The following ADRA1A variants were observed in gnomAD, a reference collection of about 807,000 sequenced individuals.
ADRA1A encodes the protein alpha-1A adrenergic receptor.
A neutral mutation model predicts 29.6 loss-of-function variants in ADRA1A; 31 were observed. The ratio of observed to expected loss-of-function variants is 1.05; its 90% CI spans 0.79 to 1.41. The LOEUF is 1.41. Among genes scored for constraint, ADRA1A ranks in the 40% most tolerant of loss-of-function variants. The pLI, the probability that ADRA1A is intolerant of heterozygous loss-of-function variation, is 0.00. For synonymous variants in ADRA1A, 311 were observed against 254.3 expected, an observed-to-expected ratio of 1.22 and a Z score of -2.12; for missense variants, 619 against 601.1, an observed-to-expected ratio of 1.03 and a Z score of -0.31.
At chr8:26,795,284 G>GT (rs61004791) in intron 2 of ADRA1A, among the ~76,000 whole-genome samples, 25,757 of 152,032 alleles carry the variant, frequency 0.17, 2,557 homozygotes, top group East Asian at 0.47. Context: ...ATGAGACAAT[G>GT]TGAGACTCGA....
At position 26,770,190 on chromosome 8, in the gene ADRA1A, C is replaced by T. The variant is rs373717543; in HGVS notation, c.1360G>A (p.Val454Ile). 1 of 1,589,074 alleles carries T rather than the reference C, an allele frequency of 6.3e-7. No homozygotes were observed. Among genetic ancestry groups the T allele is most frequent in the Non-Finnish European group, 8.6e-7 (1 of 1,166,864 alleles). The change falls in exon 3 of 3, where the codon GTC becomes ATC. Residue 454 changes from valine (V) to isoleucine (I), a missense_variant. Physicochemically the swap from Val to Ile is conservative, Grantham distance 29. Coordinates refer to ENST00000380573, the MANE Select transcript of ADRA1A (RefSeq NM_000680.4). ...TTCTCACTGAGGGAGATGGTGTGGACCTTAATGGTTGGAACTTGATGGTTC... is the reference window on the plus strand; with the variant it reads ...TTCTCACTGAGGGAGATGGTGTGGATCTTAATGGTTGGAACTTGATGGTTC... ...DKNHQVPTIKVHTISLSENGE... is the reference protein window; with the variant it reads ...DKNHQVPTIKIHTISLSENGE...
At chr8:26,810,283 C>T (rs1463315695) in intron 2 of ADRA1A, among the ~76,000 whole-genome samples, 1 of 152,178 alleles carries the variant, frequency 6.6e-6, no homozygotes, top group Non-Finnish European at 1.5e-5. Context: ...TCTGAATTCC[C>T]AAAGCAGTTT....
At chr8:26,863,363 A>T (rs569684918) in intron 2 of ADRA1A, among the ~76,000 whole-genome samples, 49 of 152,232 alleles carry the variant, frequency 3.2e-4, no homozygotes, top group Admixed American at 5.9e-4. Flanking sequence ...TTATTTTCAA[A>T]CAGTGTTATC....
intron 2 of ADRA1A, among the ~76,000 whole-genome samples, chr8:26,834,722 A>G (rs1363564811): frequency 6.6e-6 from 1 of 152,206 alleles, no homozygotes; most frequent in Non-Finnish European, 1.5e-5. Flanking sequence ...TGCATCTCCA[A>G]GGGCAGAGTA....
At chr8:26,777,041 G>A (rs1008924886) in intron 2 of ADRA1A, among the ~76,000 whole-genome samples, 2 of 152,136 alleles carry the variant, frequency 1.3e-5, no homozygotes, top group Non-Finnish European at 2.9e-5. Flanking sequence ...GAAGAAAACT[G>A]CCCCATCAAA....
intron 2 of ADRA1A, among the ~76,000 whole-genome samples, chr8:26,826,919 C>T (rs1810613701): frequency 6.6e-6 from 1 of 152,214 alleles, no homozygotes; most frequent in Admixed American, 6.5e-5. Flanking sequence ...TAGCATTCTT[C>T]ATTTCACTAT....
At chr8:26,799,862 T>A (rs895511896) in intron 2 of ADRA1A, among the ~76,000 whole-genome samples, 1 of 152,200 alleles carries the variant, frequency 6.6e-6, no homozygotes, top group South Asian at 2.1e-4. Flanking sequence ...AACATTTGAA[T>A]AAATCAATTT....
chr8:26,819,355 A>T (rs1236922183), intron 2 of ADRA1A, among the ~76,000 whole-genome samples: 1 of 151,154 alleles, frequency 6.6e-6, no homozygotes, highest in Non-Finnish European at 1.5e-5. Flanking sequence ...TTAAAATCAT[A>T]TGAAAATATA....
At chr8:26,800,213 C>T (rs529558267) in intron 2 of ADRA1A, among the ~76,000 whole-genome samples, 69 of 151,898 alleles carry the variant, frequency 4.5e-4, no homozygotes, top group Non-Finnish European at 9.0e-4. Context: ...GAGCTGAGAT[C>T]GTGCCACTGC....
intron 2 of ADRA1A, among the ~76,000 whole-genome samples, chr8:26,799,465 A>C (rs1808416654): frequency 6.6e-6 from 1 of 152,186 alleles, no homozygotes; most frequent in Admixed American, 6.5e-5. Flanking sequence ...TCTCAGTTAA[A>C]CTACAGCCAA....
chr8:26,765,468 C>T (rs1403019189), downstream of ADRA1A, among the ~76,000 whole-genome samples: 1 of 152,248 alleles, frequency 6.6e-6, no homozygotes, highest in African/African-American at 2.4e-5. Context: ...GGCACCACAG[C>T]AGCCTGGCTC....
At chr8:26,793,092 C>T (rs1807949154) in intron 2 of ADRA1A, among the ~76,000 whole-genome samples, 1 of 151,754 alleles carries the variant, frequency 6.6e-6, no homozygotes, top group Admixed American at 6.6e-5. Context: ...GACTCCATGA[C>T]ATAAAGCATT....
intron 2 of ADRA1A, among the ~76,000 whole-genome samples, chr8:26,852,303 A>G (rs1315615339): frequency 1.3e-5 from 2 of 152,224 alleles, no homozygotes; most frequent in African/African-American, 4.8e-5. Context: ...AGAAAGAATT[A>G]AAATAGATGA....
At chr8:26,828,423 C>T (rs2130636358) in intron 2 of ADRA1A, among the ~76,000 whole-genome samples, 1 of 152,278 alleles carries the variant, frequency 6.6e-6, no homozygotes, top group East Asian at 1.9e-4. Context: ...TTCCCTTTTC[C>T]CTATCCCTGT....
downstream of ADRA1A, among the ~76,000 whole-genome samples, chr8:26,765,353 TGCTTTTGTCA>T (rs1805718245): frequency 6.6e-6 from 1 of 152,244 alleles, no homozygotes; most frequent in African/African-American, 2.4e-5. Context: ...AATTCTAACT[TGCTTTTGTCA>T]GCCTAGCCCC....
At chr8:26,753,093 C>T (rs1009380544), downstream of ADRA1A, among the ~76,000 whole-genome samples, 7 of 152,286 alleles carry the variant, frequency 4.6e-5, no homozygotes, top group Non-Finnish European at 1.0e-4. Flanking sequence ...AGGAGTCCCA[C>T]TGAGGGAGTG....
chr8:26,751,069 CAAAA>C (rs35234230), intron 2 of ADRA1A, among the ~76,000 whole-genome samples: 3 of 138,322 alleles, frequency 2.2e-5, no homozygotes. Flanking sequence ...AACTCTGTCT[CAAAA>C]AAAAAAAAAA....
downstream of ADRA1A, among the ~76,000 whole-genome samples, chr8:26,763,465 G>A (rs1481359403): frequency 2.0e-5 from 3 of 152,194 alleles, no homozygotes; most frequent in African/African-American, 7.2e-5. The surrounding 1 kb of genome is among the most constrained non-coding windows in gnomAD (Gnocchi z 4.5). Flanking sequence ...GGACCTTTCT[G>A]CTCTACAGAT....
chr8:26,803,828 C>T (rs985740645), intron 2 of ADRA1A, among the ~76,000 whole-genome samples: 1 of 151,780 alleles, frequency 6.6e-6, no homozygotes, highest in Non-Finnish European at 1.5e-5. Flanking sequence ...TCAGCATCGC[C>T]AGTCATCAGG....
Sources: allele counts gnomAD v4.1 joint callset (sites outside exome capture counted in the v4.1 genomes callset), GRCh38; gene constraint gnomAD v4.1.1; non-coding constraint Gnocchi (gnomAD v3.1); transcripts MANE v1.5; gene names NCBI Gene and HGNC (gene_info 2026-07-23, HGNC 2026-07-21).